Variants in ZNF704 observed in about 807,000 individuals in gnomAD.
ZNF704 encodes zinc finger protein 704.
In ZNF704, 10 loss-of-function variants were observed where a neutral mutation model predicts 44.7. The observed-to-expected ratio is 0.22, with a 90% confidence interval of 0.14 to 0.38. ZNF704 has a LOEUF of 0.38. Ranked by LOEUF, ZNF704 falls within the 10% of genes least tolerant of loss-of-function variation. The pLI, the probability that ZNF704 is intolerant of heterozygous loss-of-function variation, is 1.00. For missense variants in ZNF704, 390 were observed against 545.5 expected, an observed-to-expected ratio of 0.71 and a Z score of 2.84; for synonymous variants, 211 against 207.6, an observed-to-expected ratio of 1.02 and a Z score of -0.14.
intron 2 of ZNF704, among the ~76,000 whole-genome samples, chr8:80,784,792 T>C (rs2129722396): frequency 6.6e-6 from 1 of 152,344 alleles, no homozygotes; most frequent in Middle Eastern, 3.4e-3. Context: ...TTGTCTTTGC[T>C]GTTGTTTCTA....
the ZNF704 span, among the ~76,000 whole-genome samples, chr8:80,880,860 T>C: frequency 6.6e-6 from 1 of 152,226 alleles, no homozygotes; most frequent in African/African-American, 2.4e-5. Context: ...AGAATTAATA[T>C]GCAGCAAAAT....
rs2131585841 is a variant in ZNF704 at position 80,639,352 on chromosome 8, GGGGGTGACA to G, written c.*2005_*2013del. On this transcript the variant is annotated 3_prime_UTR_variant, in exon 9 of 9. Coordinates refer to ENST00000327835, the MANE Select transcript of ZNF704 (RefSeq NM_001033723.3). ...CATCTCGCATCAGTGGTGCTGCATG[GGGGGTGACA>G]GGACACCAGGAGGAGAAAGGACGTG... 6.6e-6 allele frequency: 1 copy of G among 152,350 alleles called. No homozygotes were observed. The highest frequency in any genetic ancestry group is 2.1e-4 in the South Asian group (1 of 4,820). 9.4% of individuals were successfully genotyped at this position (152,350 alleles called of 1,614,324 possible).
intron 2 of ZNF704, among the ~76,000 whole-genome samples, chr8:80,725,160 A>G (rs538731428): frequency 6.6e-6 from 1 of 152,314 alleles, no homozygotes; most frequent in South Asian, 2.1e-4. Context: ...ATATTTTATT[A>G]GAGGTTCCAG....
chr8:80,773,179 T>A lies in ZNF704; in HGVS notation c.221+48195A>T, dbSNP rs145759358. 2.6e-5 allele frequency among the ~76,000 whole-genome samples: 4 copies of A among 152,350 alleles called. No individual in the cohort carries two copies. The South Asian group carries it at 6.2e-4, about 24-fold the overall frequency. ...ATTAAGGCCCATGGTATGGACTGTTTGTTTCACTGTTTTTTATTTCTGTTT... is the reference window on the plus strand; with the variant it reads ...ATTAAGGCCCATGGTATGGACTGTTAGTTTCACTGTTTTTTATTTCTGTTT... On this transcript the variant is annotated intron_variant, in intron 2 of 8. Coordinates refer to ENST00000327835, the MANE Select transcript of ZNF704 (RefSeq NM_001033723.3).
chr8:80,860,054 C>G (rs559201111), intron 1 of ZNF704, among the ~76,000 whole-genome samples: 2 of 152,178 alleles, frequency 1.3e-5, no homozygotes, highest in African/African-American at 4.8e-5. Flanking sequence ...ATTGTAAGAA[C>G]GAAACCTCTG....
At chr8:80,798,412 C>T (rs759598457) in intron 2 of ZNF704, among the ~76,000 whole-genome samples, 6 of 152,228 alleles carry the variant, frequency 3.9e-5, no homozygotes, top group Middle Eastern at 3.4e-3. Context: ...CTAGCCACCA[C>T]GCCCAGCTAA....
intron 2 of ZNF704, among the ~76,000 whole-genome samples, chr8:80,702,734 A>G (rs1244036820): frequency 2.0e-5 from 3 of 152,082 alleles, no homozygotes; most frequent in Non-Finnish European, 4.4e-5. Context: ...CTGGGGATGG[A>G]GATTTTCTAT....
intron 7 of ZNF704, among the ~76,000 whole-genome samples, chr8:80,646,818 G>C (rs1227954606): frequency 6.6e-6 from 1 of 152,210 alleles, no homozygotes; most frequent in East Asian, 1.9e-4. Context: ...TATATGAATT[G>C]TTTTAAATTA....
rs148942015 is a variant in ZNF704, at chr8:80,730,538, T to TAAAAA, written c.222-37436_222-37432dup. 4.2e-3 allele frequency among the ~76,000 whole-genome samples: 266 copies of TAAAAA among 63,958 alleles called. 7 individuals carry two copies. The highest frequency in any genetic ancestry group is 0.013 in the African/African-American group (255 of 19,626). The allele number at this position is 63,958 out of a possible 152,430, so 42.0% of individuals were successfully genotyped here. ...TGGGTGACAGAGCAAGACTACATCT[T>TAAAAA]AAAAAAAAAAAAAAAAAAAAAAAAA... On this transcript the variant is annotated intron_variant, in intron 2 of 8. Coordinates refer to ENST00000327835, the MANE Select transcript of ZNF704 (RefSeq NM_001033723.3).
rs191393109 is a variant in ZNF704 at position 80,682,837 on chromosome 8, T to C, written c.558+4389A>G. Among the ~76,000 whole-genome samples, 775 of 152,298 alleles carry C rather than the reference T, an allele frequency of 5.1e-3. 21 individuals are homozygous for C. Among genetic ancestry groups the C allele is most frequent in the Middle Eastern group, 3.4e-3 (1 of 294 alleles). The stretch of plus-strand genomic sequence containing the variant: ...AGCCACATCAATATGGTGCCACCAT[T>C]TTCCTTATTTTACAGATGAGGAAAC... On this transcript the variant is annotated intron_variant, in intron 4 of 8. Transcript: ENST00000327835.
chr8:80,796,753 T>C lies in ZNF704; in HGVS notation c.221+24621A>G, dbSNP rs527820823. Among the ~76,000 whole-genome samples, 3 of 151,366 alleles carry C rather than the reference T, an allele frequency of 2.0e-5. No individual in the cohort carries two copies. In the South Asian group the frequency reaches 6.3e-4, roughly 32 times the overall value. ...GCTCATGCTTGTAATCCCAGCACAC[T>C]GGAAGGCCAAGGCAAAAGGATAGCC... On this transcript the variant is annotated intron_variant, in intron 2 of 8. Transcript: ENST00000327835.
At chr8:80,652,192 C>A (rs1251016386) in intron 7 of ZNF704, among the ~76,000 whole-genome samples, 7 of 151,908 alleles carry the variant, frequency 4.6e-5, no homozygotes, top group African/African-American at 1.7e-4. Context: ...ATTTATAGCA[C>A]TAAATGCCCA....
At chr8:80,645,188 T>C in intron 7 of ZNF704, 1 of 1,581,390 alleles carries the variant, frequency 6.3e-7, no homozygotes. Flanking sequence ...CTCGGTTTGC[T>C]AGCCTTCAGC....
intron 2 of ZNF704, among the ~76,000 whole-genome samples, chr8:80,738,583 T>C (rs1453381082): frequency 6.6e-6 from 1 of 151,988 alleles, no homozygotes. Context: ...TTTTTTTTTT[T>C]CTTTACTGAA....
rs565284027 is a variant in ZNF704, at chr8:80,709,360, C to G, written c.222-16253G>C. ...TCAGGAGGCTGAGGCAGGAGAATGG[C>G]GTGAACCTGGGAGGCGGAGATTGCA... On this transcript the variant is annotated intron_variant, in intron 2 of 8. Coordinates refer to ENST00000327835, the MANE Select transcript of ZNF704 (RefSeq NM_001033723.3). Among the ~76,000 whole-genome samples, 292 of 135,418 alleles carry G rather than the reference C, an allele frequency of 2.2e-3. 1 individual carries two copies. Among genetic ancestry groups the G allele is most frequent in the African/African-American group, 7.7e-3 (281 of 36,366 alleles). The allele number at this position is 135,418 out of a possible 152,430, so 88.8% of individuals were successfully genotyped here.
intron 2 of ZNF704, among the ~76,000 whole-genome samples, chr8:80,776,442 C>A (rs1807411715): frequency 6.6e-6 from 1 of 152,118 alleles, no homozygotes; most frequent in Non-Finnish European, 1.5e-5. Flanking sequence ...ATTTAATTAG[C>A]AGTTATTTAC....
intron 2 of ZNF704, among the ~76,000 whole-genome samples, chr8:80,696,417 A>T (rs1554573705): frequency 6.6e-6 from 1 of 151,886 alleles, no homozygotes; most frequent in Non-Finnish European, 1.5e-5. Context: ...TGGATTTCAG[A>T]TTTTTTTTGT....
At chr8:80,803,917 T>C (rs1008707415) in intron 2 of ZNF704, among the ~76,000 whole-genome samples, 1 of 151,710 alleles carries the variant, frequency 6.6e-6, no homozygotes, top group African/African-American at 2.4e-5. Flanking sequence ...TAGGAGAAAA[T>C]TTTTTGCCAT....
chr8:80,866,921 G>C (rs1186628230), intron 1 of ZNF704, among the ~76,000 whole-genome samples: 1 of 152,136 alleles, frequency 6.6e-6, no homozygotes. Flanking sequence ...CTCCCTACTA[G>C]GAGGCAGGGG....
Sources: gnomAD v4.1 joint callset for allele counts (sites outside exome capture counted in the v4.1 genomes callset) on GRCh38, gnomAD v4.1.1 for gene constraint, MANE v1.5 for transcripts, NCBI Gene and HGNC (gene_info 2026-07-23, HGNC 2026-07-21) for gene names.